The following VRK1 variants were observed in gnomAD, a reference collection of about 807,000 sequenced individuals.
VRK1 encodes the protein VRK serine/threonine kinase 1, also known as serine/threonine-protein kinase VRK1.
VRK1 carries 33 observed loss-of-function variants against 57.1 expected under a neutral mutation model. The observed-to-expected ratio is 0.58, with a 90% CI of 0.44 to 0.77. VRK1 has a LOEUF of 0.77. Ranked by LOEUF, VRK1 falls within the 30% of genes least tolerant of loss-of-function variation. The probability of loss-of-function intolerance (pLI) is 0.00; values close to 1 mark genes in which losing one functional copy is unlikely to be tolerated. For missense variants in VRK1, 413 were observed against 477.3 expected, an observed-to-expected ratio of 0.87 and a Z score of 1.25; for synonymous variants, 137 against 147.8, an observed-to-expected ratio of 0.93 and a Z score of 0.53.
chr14:96,877,388 T>G, intron 12 of VRK1: 1 of 687,422 alleles, frequency 1.5e-6, no homozygotes, highest in Non-Finnish European at 2.2e-6. Flanking sequence ...AATATATAAC[T>G]TCACACTGAA....
intron 1 of VRK1, among the ~76,000 whole-genome samples, chr14:96,813,543 CTT>C (rs1286836220): frequency 6.6e-6 from 1 of 151,972 alleles, no homozygotes; most frequent in African/African-American, 2.4e-5. Context: ...AAAAACAAAA[CTT>C]TTCGGAAGAC....
chr14:96,876,058 A>G lies in VRK1; in HGVS notation c.1097A>G (p.Lys366Arg), dbSNP rs1566721638. The G allele has an allele frequency of 6.2e-7, 1 of 1,613,598 alleles. No homozygotes were observed. ...CGAAAGAAAGAAATTGAAGAAAGCA[A>G]GGAACCTGGTGTTGAAGATACGGAA... ...KKRKKEIEES[K>R]EPGVEDTEWS... Residue 366 changes from lysine (K) to arginine (R), a missense_variant, in exon 12 of 13, where the codon AAG (lysine) becomes AGG (arginine). Lys to Arg is a conservative substitution (Grantham distance 26, BLOSUM62 2). Around this residue, in one of 3 missense-constraint regions of VRK1, gnomAD observed 146 missense variants for 138.2 expected, o/e 1.06. Coordinates refer to ENST00000216639, the MANE Select transcript of VRK1 (RefSeq NM_003384.3).
chr14:96,807,300 C>G (rs1340023529), intron 1 of VRK1, among the ~76,000 whole-genome samples: 1 of 152,198 alleles, frequency 6.6e-6, no homozygotes, highest in Non-Finnish European at 1.5e-5. Flanking sequence ...AAATGTGGAA[C>G]AGGCTGAATC....
chr14:96,821,865 C>G (rs1028332163), intron 1 of VRK1, among the ~76,000 whole-genome samples: 5 of 152,164 alleles, frequency 3.3e-5, no homozygotes, highest in African/African-American at 9.7e-5. Context: ...CTTGCTGTTT[C>G]TAGAACAAGC....
intron 1 of VRK1, among the ~76,000 whole-genome samples, chr14:96,803,390 C>T (rs528138745): frequency 9.9e-5 from 15 of 152,094 alleles, no homozygotes; most frequent in Admixed American, 3.9e-4. Context: ...AGGCTGGTCT[C>T]GAACTCCTGA....
intron 10 of VRK1, among the ~76,000 whole-genome samples, chr14:96,859,773 C>T (rs74076165): frequency 0.014 from 2,097 of 152,168 alleles, 54 homozygotes; most frequent in African/African-American, 0.048. Context: ...GGATGAAAAT[C>T]TCAGTAACTG....
intron 2 of VRK1, among the ~76,000 whole-genome samples, chr14:96,834,277 A>G (rs1036350149): frequency 1.3e-5 from 2 of 152,146 alleles, no homozygotes; most frequent in African/African-American, 4.8e-5. Flanking sequence ...TAACTTTTCC[A>G]TTCTGTGTTC....
At chr14:96,876,677 TG>T (rs1294537690) in intron 12 of VRK1, among the ~76,000 whole-genome samples, 1 of 152,018 alleles carries the variant, frequency 6.6e-6, no homozygotes, top group African/African-American at 2.4e-5. Flanking sequence ...GCTGCCTGAT[TG>T]TTCCTTATAA....
chr14:96,844,411 T>TA (rs1228319004), intron 3 of VRK1, among the ~76,000 whole-genome samples: 1 of 152,230 alleles, frequency 6.6e-6, no homozygotes, highest in Non-Finnish European at 1.5e-5. Flanking sequence ...AAAGTATACT[T>TA]ACCTGTAACA....
intron 10 of VRK1, 50 bp from the exon 11 acceptor site, chr14:96,860,507 T>C: frequency 6.5e-7 from 1 of 1,538,144 alleles, no homozygotes; most frequent in Non-Finnish European, 8.9e-7. Flanking sequence ...TTTTTAGAGG[T>C]TAGAGAGAAA....
intron 11 of VRK1, among the ~76,000 whole-genome samples, chr14:96,861,282 GAAGTATTATAC>G (rs1322701120): frequency 6.6e-6 from 1 of 152,108 alleles, no homozygotes; most frequent in Non-Finnish European, 1.5e-5. Context: ...CTTTATGGTA[GAAGTATTATAC>G]AAGCATGTAA....
At chr14:96,813,237 C>T (rs1203021697) in intron 1 of VRK1, among the ~76,000 whole-genome samples, 1 of 152,152 alleles carries the variant, frequency 6.6e-6, no homozygotes, top group East Asian at 1.9e-4. Flanking sequence ...TAACACTGCT[C>T]GGTGCTGACT....
At chr14:96,814,933 G>T (rs1167039927) in intron 1 of VRK1, among the ~76,000 whole-genome samples, 1 of 152,164 alleles carries the variant, frequency 6.6e-6, no homozygotes, top group Non-Finnish European at 1.5e-5. Flanking sequence ...GTCCCCTCTT[G>T]ATGGTAATTA....
intron 1 of VRK1, among the ~76,000 whole-genome samples, chr14:96,797,854 C>T (rs910893688): frequency 6.6e-6 from 1 of 152,248 alleles, no homozygotes; most frequent in Non-Finnish European, 1.5e-5. Context: ...GCAGAGCTCA[C>T]TCTGTAGAAG....
intron 1 of VRK1, among the ~76,000 whole-genome samples, chr14:96,802,428 GAAAC>G (rs752238556): frequency 2.6e-5 from 4 of 152,158 alleles, no homozygotes; most frequent in African/African-American, 4.8e-5. Flanking sequence ...ATCAAAAAAA[GAAAC>G]AAACTGTTGG....
At chr14:96,846,609 C>T (rs1399662171) in intron 4 of VRK1, among the ~76,000 whole-genome samples, 1 of 150,990 alleles carries the variant, frequency 6.6e-6, no homozygotes, top group African/African-American at 2.4e-5. Flanking sequence ...AGCAAGTAAA[C>T]ATTACATAAT....
rs1325856220 is a variant in VRK1 at position 96,833,778 on chromosome 14, G to A, written c.160+147G>A. The stretch of plus-strand genomic sequence containing the variant: ...TCTGATTAAGCAAAAATGCATCTCT[G>A]ACGTAGGAGTGGAAATTGTTAATGC... On this transcript the variant is annotated intron_variant, in intron 2 of 12. Transcript: ENST00000216639. The A allele has an allele frequency of 5.2e-6, 6 of 1,160,556 alleles. No homozygotes were observed. In the East Asian group the frequency reaches 1.5e-4, roughly 29 times the overall value. The allele number at this position is 1,160,556 out of a possible 1,614,324, so 71.9% of individuals were successfully genotyped here. A position where few individuals can be genotyped will look rare whatever the true frequency, so the allele number is the denominator to read the frequency against.
At chr14:96,840,652 G>A (rs769372699) in intron 3 of VRK1, among the ~76,000 whole-genome samples, 37 of 152,066 alleles carry the variant, frequency 2.4e-4, no homozygotes, top group Admixed American at 1.1e-3. Flanking sequence ...TTTCTTCTTA[G>A]GCTCATTAGG....
At chr14:96,872,638 C>G (rs1300759337) in intron 11 of VRK1, among the ~76,000 whole-genome samples, 3 of 152,200 alleles carry the variant, frequency 2.0e-5, no homozygotes, top group African/African-American at 7.2e-5. Flanking sequence ...GCTCTGAGTT[C>G]TAGTCTTTTC....
Sources: allele counts gnomAD v4.1 joint callset (sites outside exome capture counted in the v4.1 genomes callset), GRCh38; gene constraint gnomAD v4.1.1; regional missense constraint gnomAD v4.1.1; transcripts MANE v1.5; gene names NCBI Gene and HGNC (gene_info 2026-07-23, HGNC 2026-07-21).